CLDN3: variants seen among roughly 807,000 people sequenced by gnomAD.
CLDN3 encodes the protein claudin-3.
A neutral mutation model predicts 16.3 loss-of-function variants in CLDN3; 6 were observed. The ratio of observed to expected loss-of-function variants is 0.37; its 90% CI spans 0.20 to 0.73. The LOEUF (loss-of-function observed/expected upper bound fraction) is 0.73. Ranked by LOEUF, CLDN3 falls within the 30% of genes least tolerant of loss-of-function variation. CLDN3 has a pLI of 0.52. For missense variants in CLDN3, 248 were observed against 305.2 expected (o/e 0.81, Z 1.40); for synonymous variants, 145 against 150.1 (o/e 0.97, Z 0.25).
Position 73,769,087 on chromosome 7 carries a change from G to A in CLDN3, c.*300C>T. Reference sequence around the variant, plus strand: ...AGCGCGAGCATGGGGGCAGCGGCCCGATGGGGCTCGACGGGGTGGTCAAGT... The same window carrying A: ...AGCGCGAGCATGGGGGCAGCGGCCCAATGGGGCTCGACGGGGTGGTCAAGT... On this transcript the variant is annotated 3_prime_UTR_variant, in exon 1 of 1. Coordinates refer to ENST00000395145, the MANE Select transcript of CLDN3 (RefSeq NM_001306.4). The A allele has an allele frequency of 3.4e-6, 2 of 583,520 alleles. No homozygotes were observed. Among genetic ancestry groups the A allele is most frequent in the Non-Finnish European group, 5.4e-6 (2 of 373,250 alleles). 36.1% of individuals were successfully genotyped at this position (583,520 alleles called of 1,614,324 possible).
rs1787005695 is a variant in CLDN3 at position 73,769,333 on chromosome 7, GTGGTGGTGGTGT to G, written c.*42_*53del. The G allele has an allele frequency of 5.8e-6, 9 of 1,543,350 alleles. No homozygotes were observed. The South Asian group carries it at 1.1e-4, about 19-fold the overall frequency. ...CTGGTGCGCGCTCCAGCTCGCGGTG[GTGGTGGTGGTGT>G]TGGTGGTGGTGGTGGTGGTGGGGTC... On this transcript the variant is annotated 3_prime_UTR_variant, in exon 1 of 1. Coordinates refer to ENST00000395145, the MANE Select transcript of CLDN3 (RefSeq NM_001306.4).
Position 73,769,435 on chromosome 7 carries a change from G to A in CLDN3, c.615C>T (p.Gly205=). 1 of 1,604,322 alleles carries A rather than the reference G, an allele frequency of 6.2e-7. No individual in the cohort carries two copies. The highest frequency in any genetic ancestry group is 8.5e-7 in the Non-Finnish European group (1 of 1,179,676). ...AGCCTGTGCCCAGGCTGGCTCCCGGGCCGGTGGAGCGCGGCGCGGAGTAGA... is the reference window on the plus strand; with the variant it reads ...AGCCTGTGCCCAGGCTGGCTCCCGGACCGGTGGAGCGCGGCGCGGAGTAGA... ...KVVYSAPRST[G]PGASLGTGYD... Residue 205 remains glycine, a synonymous_variant, in exon 1 of 1, where the codon GGC becomes GGT. Coordinates refer to ENST00000395145, the MANE Select transcript of CLDN3 (RefSeq NM_001306.4).
Position 73,769,432 on chromosome 7 carries a change from C to T in CLDN3, c.618G>A (p.Pro206=), listed in dbSNP as rs782354914. ...CGTAGCCTGTGCCCAGGCTGGCTCC[C>T]GGGCCGGTGGAGCGCGGCGCGGAGT... ...VVYSAPRSTG[P]GASLGTGYDR... is the part of the protein sequence containing the mutation. The change falls in exon 1 of 1, where the codon CCG becomes CCA. Residue 206 remains proline (P), a synonymous_variant. Transcript: ENST00000395145. 13 of 1,603,792 alleles carry T rather than the reference C, an allele frequency of 8.1e-6. No individual in the cohort carries two copies. The highest frequency in any genetic ancestry group is 2.2e-5 in the East Asian group (1 of 44,868).
Position 73,769,004 on chromosome 7 carries a change from C to T in CLDN3, c.*383G>A, listed in dbSNP as rs782509511. 1.2e-4 allele frequency: 33 copies of T among 270,612 alleles called. 1 individual carries two copies. Among genetic ancestry groups the T allele is most frequent in the Non-Finnish European group, 5.5e-5 (8 of 144,602 alleles). 16.8% of individuals were successfully genotyped at this position (270,612 alleles called of 1,614,324 possible). ...CAAGGAGGCTCCAGCGAGTGCAAAA[C>T]GAAAGGCTTTTATTGAAAAATATCA... On this transcript the variant is annotated 3_prime_UTR_variant, in exon 1 of 1. Coordinates refer to ENST00000395145, the MANE Select transcript of CLDN3 (RefSeq NM_001306.4).
At position 73,770,099 on chromosome 7, in the gene CLDN3, A is replaced by G; in HGVS notation, c.-50T>C. 1.4e-6 allele frequency: 2 copies of G among 1,421,828 alleles called. No individual in the cohort carries two copies. Among genetic ancestry groups the G allele is most frequent in the Non-Finnish European group, 1.8e-6 (2 of 1,090,498 alleles). The allele number at this position is 1,421,828 out of a possible 1,614,324, so 88.1% of individuals were successfully genotyped here. A position where few individuals can be genotyped will look rare whatever the true frequency, so the allele number is the denominator to read the frequency against. On this transcript the variant is annotated 5_prime_UTR_variant, in exon 1 of 1. Coordinates refer to ENST00000395145, the MANE Select transcript of CLDN3 (RefSeq NM_001306.4). This position sits in a 1 kb window ranked among gnomAD's most constrained non-coding sequence, Gnocchi z 5.7. ...ACCGGGTGGCTCCGGGTGCGGGGAG[A>G]CGAGGGGCCGGGGCCGCTGGGCCTG...
chr7:73,769,403 C>A lies in CLDN3; in HGVS notation c.647G>T (p.Arg216Leu), dbSNP rs868906959. 9 of 1,598,420 alleles carry A rather than the reference C, an allele frequency of 5.6e-6. No individual in the cohort carries two copies. Among genetic ancestry groups the A allele is most frequent in the Non-Finnish European group, 6.8e-6 (8 of 1,178,698 alleles). The change falls in exon 1 of 1, where the codon CGC becomes CTC. Residue 216 changes from arginine to leucine, a missense_variant. Arg to Leu is a moderately radical substitution (Grantham distance 102, BLOSUM62 -2). Coordinates refer to ENST00000395145, the MANE Select transcript of CLDN3 (RefSeq NM_001306.4). ...GTCTGTCCCTTAGACGTAGTCCTTG[C>A]GGTCGTAGCCTGTGCCCAGGCTGGC... ...PGASLGTGYD[R>L]KDYV
chr7:73,769,671 C>T lies in CLDN3; in HGVS notation c.379G>A (p.Ala127Thr). Residue 127 changes from alanine to threonine, a missense_variant, in exon 1 of 1, where the codon GCC (alanine) becomes ACC (threonine). Coordinates refer to ENST00000395145, the MANE Select transcript of CLDN3 (RefSeq NM_001306.4). ...TIVAGVLFLLAALLTLVPVSW... is the reference protein window; with the variant it reads ...TIVAGVLFLLTALLTLVPVSW... ...ACCGGCACGAGGGTGAGCAGGGCGG[C>T]GAGAAGGAACAGCACGCCTGCCACG... 3 of 1,612,844 alleles carry T rather than the reference C, an allele frequency of 1.9e-6. No homozygotes were observed. Among genetic ancestry groups the T allele is most frequent in the Non-Finnish European group, 2.5e-6 (3 of 1,179,808 alleles).
Sources: allele counts gnomAD v4.1 joint callset, GRCh38; gene constraint gnomAD v4.1.1; non-coding constraint Gnocchi (gnomAD v3.1); transcripts MANE v1.5; gene names NCBI Gene and HGNC (gene_info 2026-07-23, HGNC 2026-07-21).